TYW1: variants seen among roughly 807,000 people sequenced by gnomAD.
TYW1 encodes S-adenosyl-L-methionine-dependent tRNA 4-demethylwyosine synthase TYW1.
TYW1 carries 46 observed loss-of-function variants against 96.2 expected under a neutral mutation model. The observed-to-expected ratio is 0.48, with a 90% CI of 0.38 to 0.61. The LOEUF is 0.61. TYW1 is among the 20% of genes least tolerant of loss of function. The pLI, the probability that TYW1 is intolerant of heterozygous loss-of-function variation, is 0.00. For missense variants in TYW1, 684 were observed against 909.6 expected (o/e 0.75, Z 3.19); for synonymous variants, 274 against 323.0 (o/e 0.85, Z 1.63).
chr7:67,146,071 T>G (rs1798601797), intron 13 of TYW1, among the ~76,000 whole-genome samples: 1 of 152,144 alleles, frequency 6.6e-6, no homozygotes. Context: ...TGGCCTTTGT[T>G]CTTTTTTTAT....
At chr7:67,121,391 AT>A (rs1223440927) in intron 13 of TYW1, among the ~76,000 whole-genome samples, 1 of 152,128 alleles carries the variant, frequency 6.6e-6, no homozygotes, top group Non-Finnish European at 1.5e-5. Context: ...CAAAAAAACA[AT>A]TAGCCAGGAG....
chr7:67,169,491 C>T lies in TYW1; in HGVS notation c.1699-13635C>T, dbSNP rs568656810. Among the ~76,000 whole-genome samples, 3 of 152,234 alleles carry T rather than the reference C, an allele frequency of 2.0e-5. No individual in the cohort carries two copies. In the East Asian group the frequency reaches 5.8e-4, roughly 29 times the overall value. On this transcript the variant is annotated intron_variant, in intron 13 of 15. Coordinates refer to ENST00000359626, the MANE Select transcript of TYW1 (RefSeq NM_018264.4). ...TCTTGGCTCACTGCAACTTCTGTCTCCCGGGTTCAAGTGATTCTCCTGCCT... is the reference window on the plus strand; with the variant it reads ...TCTTGGCTCACTGCAACTTCTGTCTTCCGGGTTCAAGTGATTCTCCTGCCT...
chr7:67,188,086 C>G (rs1032469963), intron 14 of TYW1, among the ~76,000 whole-genome samples: 1 of 152,082 alleles, frequency 6.6e-6, no homozygotes, highest in Non-Finnish European at 1.5e-5. Flanking sequence ...TTTGGGAGGC[C>G]GAGTCAGGCA....
chr7:67,003,432 TAG>T (rs1462289522), intron 3 of TYW1, among the ~76,000 whole-genome samples: 1 of 151,198 alleles, frequency 6.6e-6, no homozygotes, highest in Non-Finnish European at 1.5e-5. Context: ...CTAAATACCA[TAG>T]AGAGGCTCTC....
At chr7:67,140,047 A>C (rs1798395723) in intron 13 of TYW1, among the ~76,000 whole-genome samples, 1 of 151,508 alleles carries the variant, frequency 6.6e-6, no homozygotes, top group African/African-American at 2.4e-5. Context: ...AGGAGGAGCA[A>C]GTCACATCTT....
intron 15 of TYW1, among the ~76,000 whole-genome samples, chr7:67,204,354 T>C (rs754011928): frequency 8.5e-5 from 13 of 152,168 alleles, no homozygotes; most frequent in Non-Finnish European, 1.6e-4. Flanking sequence ...TCATTCTGTC[T>C]TTTTACTCTT....
intron 13 of TYW1, among the ~76,000 whole-genome samples, chr7:67,150,305 A>G (rs1328678504): frequency 6.6e-6 from 1 of 152,148 alleles, no homozygotes; most frequent in African/African-American, 2.4e-5. Context: ...AGCAGAGTCC[A>G]CAACAAACAC....
chr7:67,005,075 G>T lies in TYW1; in HGVS notation c.274-4508G>T, dbSNP rs565774927. On this transcript the variant is annotated intron_variant, in intron 3 of 15. Coordinates refer to ENST00000359626, the MANE Select transcript of TYW1 (RefSeq NM_018264.4). ...CCTGCTTGAAATTTCTTTTCTTTAA[G>T]AATGCTCAATATAGGCCCCAATCTC... 3.9e-5 allele frequency among the ~76,000 whole-genome samples: 6 copies of T among 152,074 alleles called. No homozygotes were observed. The South Asian group carries it at 8.3e-4, about 21-fold the overall frequency.
At chr7:67,030,851 A>G (rs943807608) in intron 7 of TYW1, among the ~76,000 whole-genome samples, 10 of 152,066 alleles carry the variant, frequency 6.6e-5, no homozygotes, top group African/African-American at 2.2e-4. Flanking sequence ...ACTTGGAACA[A>G]TTAGAGCTTC....
At chr7:67,131,937 T>G (rs1221010205) in intron 13 of TYW1, among the ~76,000 whole-genome samples, 1 of 152,232 alleles carries the variant, frequency 6.6e-6, no homozygotes, top group East Asian at 1.9e-4. Flanking sequence ...TTCCACGTTC[T>G]TCTGCCTGCT....
At chr7:67,095,810 A>G (rs28524910) in intron 11 of TYW1, among the ~76,000 whole-genome samples, 26,538 of 151,724 alleles carry the variant, frequency 0.17, 2,732 homozygotes, top group African/African-American at 0.28. Flanking sequence ...GTCTGGCGGA[A>G]CAGTGTGTCT....
At chr7:67,088,076 G>A (rs1037834481) in intron 11 of TYW1, among the ~76,000 whole-genome samples, 1 of 152,024 alleles carries the variant, frequency 6.6e-6, no homozygotes, top group Non-Finnish European at 1.5e-5. Flanking sequence ...TATTGCGCAG[G>A]CTGGTCTTGA....
intron 12 of TYW1, among the ~76,000 whole-genome samples, chr7:67,111,825 C>T (rs1219425976): frequency 1.3e-5 from 2 of 152,070 alleles, no homozygotes; most frequent in East Asian, 1.9e-4. Context: ...AAGATCCCGG[C>T]GTGGTGGCTC....
chr7:67,135,333 C>A (rs1224274966), intron 13 of TYW1, among the ~76,000 whole-genome samples: 2 of 112,650 alleles, frequency 1.8e-5, no homozygotes, highest in Non-Finnish European at 3.4e-5. Context: ...GAGACAGTCT[C>A]TCACTCTGTC....
intron 15 of TYW1, among the ~76,000 whole-genome samples, chr7:67,237,452 A>G (rs1019295920): frequency 6.6e-6 from 1 of 150,930 alleles, no homozygotes; most frequent in Admixed American, 6.6e-5. Context: ...GTGAGCCGAG[A>G]TCAGGCCACT....
intron 7 of TYW1, among the ~76,000 whole-genome samples, chr7:67,025,633 G>C (rs1323739769): frequency 6.6e-6 from 1 of 152,160 alleles, no homozygotes; most frequent in Admixed American, 6.6e-5. Flanking sequence ...GTGGAGATCA[G>C]CATGACTGGG....
chr7:67,170,518 G>T (rs531763859), intron 13 of TYW1, among the ~76,000 whole-genome samples: 1 of 152,294 alleles, frequency 6.6e-6, no homozygotes, highest in African/African-American at 2.4e-5. Context: ...TAGCATTCAC[G>T]TAACATAAAA....
intron 4 of TYW1, among the ~76,000 whole-genome samples, chr7:67,010,154 T>C (rs568440508): frequency 6.6e-6 from 1 of 151,664 alleles, no homozygotes; most frequent in East Asian, 1.9e-4. Context: ...AGCTAATTTT[T>C]TTTGTGTGTG....
At chr7:67,089,700 T>A (rs1423356216) in intron 11 of TYW1, among the ~76,000 whole-genome samples, 1 of 152,228 alleles carries the variant, frequency 6.6e-6, no homozygotes, top group Admixed American at 6.5e-5. Context: ...TCAATGCTTG[T>A]CTTTTGTGTT....
Sources: gnomAD v4.1 joint callset for allele counts (sites outside exome capture counted in the v4.1 genomes callset) on GRCh38, gnomAD v4.1.1 for gene constraint, MANE v1.5 for transcripts, NCBI Gene and HGNC (gene_info 2026-07-23, HGNC 2026-07-21) for gene names.